The following CNTLN variants were observed in gnomAD, a reference collection of about 807,000 sequenced individuals.
CNTLN encodes the protein centlein.
A neutral mutation model predicts 180.0 loss-of-function variants in CNTLN; 212 were observed. The observed-to-expected ratio is 1.18, with a 90% CI of 1.05 to 1.32. The LOEUF (loss-of-function observed/expected upper bound fraction) is 1.32, where lower values mean the gene tolerates loss of function less well. Among genes scored for constraint, CNTLN ranks in the 40% most tolerant of loss-of-function variants. CNTLN has a pLI of 0.00. For missense variants in CNTLN, 2,095 were observed against 1,610.9 expected, an observed-to-expected ratio of 1.30 and a Z score of -5.14; for synonymous variants, 722 against 563.1, an observed-to-expected ratio of 1.28 and a Z score of -3.99.
chr9:17,244,514 G>C (rs1344872460), intron 5 of CNTLN, among the ~76,000 whole-genome samples: 2 of 152,068 alleles, frequency 1.3e-5, no homozygotes, highest in Admixed American at 6.6e-5. Flanking sequence ...CACCATGCCT[G>C]GTCCCCTGAA....
intron 2 of CNTLN, among the ~76,000 whole-genome samples, chr9:17,209,752 A>G (rs555495206): frequency 6.6e-6 from 1 of 152,320 alleles, no homozygotes; most frequent in East Asian, 1.9e-4. Context: ...GAGATTCTTG[A>G]GCCACAACTA....
rs188543153 is a variant in CNTLN, at chr9:17,371,063, A to G, written c.1987+4346A>G. Among the ~76,000 whole-genome samples the G allele has an allele frequency of 4.9e-3, 746 of 152,228 alleles. 16 individuals carry two copies. Among genetic ancestry groups the G allele is most frequent in the Non-Finnish European group, 3.6e-3 (244 of 67,988 alleles). On this transcript the variant is annotated intron_variant, in intron 13 of 25. Coordinates refer to ENST00000380647, the MANE Select transcript of CNTLN (RefSeq NM_017738.4). ...GAAAACAAGAAAGAATGAAGGAAGG[A>G]AAAGAAGACCACAAAATAACCAGGA...
chr9:17,319,933 C>G (rs1015491992), intron 8 of CNTLN, among the ~76,000 whole-genome samples: 12 of 152,184 alleles, frequency 7.9e-5, no homozygotes, highest in Non-Finnish European at 1.3e-4. Flanking sequence ...ACCTGTGACC[C>G]TTGATTTCTA....
intron 15 of CNTLN, among the ~76,000 whole-genome samples, chr9:17,395,793 A>G (rs1204804822): frequency 3.3e-5 from 5 of 152,096 alleles, no homozygotes; most frequent in South Asian, 4.1e-4. Flanking sequence ...TATGCACTTG[A>G]AACACATCAG....
At chr9:17,265,510 TG>T (rs1320504325) in intron 5 of CNTLN, among the ~76,000 whole-genome samples, 1 of 150,956 alleles carries the variant, frequency 6.6e-6, no homozygotes, top group Non-Finnish European at 1.5e-5. Flanking sequence ...CTCTTTTTTT[TG>T]TTGTGTCTCT....
At chr9:17,174,605 A>T (rs1016569705) in intron 2 of CNTLN, among the ~76,000 whole-genome samples, 1 of 151,786 alleles carries the variant, frequency 6.6e-6, no homozygotes, top group Non-Finnish European at 1.5e-5. Context: ...CTGAGACAGG[A>T]GAATTGCTTC....
rs549795995 is a variant in CNTLN at position 17,463,711 on chromosome 9, A to G, written c.3404+698A>G. Reference sequence around the variant, plus strand: ...TTTAACTGATAATATTTTGAAGTTTATTTATCAATTAAGAGTAAGTCTTGC... The same window carrying G: ...TTTAACTGATAATATTTTGAAGTTTGTTTATCAATTAAGAGTAAGTCTTGC... On this transcript the variant is annotated intron_variant, in intron 20 of 25. Coordinates refer to ENST00000380647, the MANE Select transcript of CNTLN (RefSeq NM_017738.4). Among the ~76,000 whole-genome samples the G allele has an allele frequency of 3.4e-4, 52 of 151,764 alleles. No individual in the cohort carries two copies. In the South Asian group the frequency reaches 0.011, roughly 31 times the overall value.
Position 17,145,129 on chromosome 9 carries a change from C to G in CNTLN, c.449+1753C>G, listed in dbSNP as rs770746534. Among the ~76,000 whole-genome samples the G allele has an allele frequency of 2.5e-4, 38 of 150,172 alleles. 1 individual carries two copies. The highest frequency in any genetic ancestry group is 9.0e-4 in the African/African-American group (37 of 40,896). ...GTGCTGGGATTACAGGCGTGAGCCA[C>G]CGCACCCGGCCTGGAGAATTTATTA... On this transcript the variant is annotated intron_variant, in intron 2 of 25. Transcript: ENST00000380647.
At chr9:17,149,666 C>T (rs572448974) in intron 2 of CNTLN, among the ~76,000 whole-genome samples, 3 of 151,842 alleles carry the variant, frequency 2.0e-5, no homozygotes, top group Non-Finnish European at 2.9e-5. Context: ...TATAGGCGCC[C>T]GCCACCATGC....
chr9:17,381,719 C>T (rs1034702653), intron 13 of CNTLN, among the ~76,000 whole-genome samples: 4 of 152,178 alleles, frequency 2.6e-5, no homozygotes, highest in Admixed American at 6.6e-5. Flanking sequence ...ATTTCTTGCT[C>T]ATGAGTCTAT....
At chr9:17,444,270 T>C (rs150128671) in intron 18 of CNTLN, 16 of 152,328 alleles carry the variant, frequency 1.1e-4, no homozygotes, top group African/African-American at 2.9e-4. Context: ...CTTATAGCTC[T>C]ACCTCAGAGA....
chr9:17,173,900 A>G (rs976247838), intron 2 of CNTLN, among the ~76,000 whole-genome samples: 6 of 151,958 alleles, frequency 3.9e-5, no homozygotes, highest in African/African-American at 1.5e-4. Context: ...TACAGTATGA[A>G]GACAGGATAT....
At chr9:17,374,796 G>T (rs899322287) in intron 13 of CNTLN, among the ~76,000 whole-genome samples, 9 of 151,706 alleles carry the variant, frequency 5.9e-5, no homozygotes, top group Non-Finnish European at 8.8e-5. Flanking sequence ...GGAGTTGGAG[G>T]TTTCAGTGAG....
At chr9:17,187,276 C>T (rs1055638885) in intron 2 of CNTLN, among the ~76,000 whole-genome samples, 1 of 152,026 alleles carries the variant, frequency 6.6e-6, no homozygotes, top group African/African-American at 2.4e-5. Context: ...TTGAAAATGT[C>T]AAACTCTTTT....
At chr9:17,341,666 T>C (rs1296359450) in intron 11 of CNTLN, among the ~76,000 whole-genome samples, 1 of 152,196 alleles carries the variant, frequency 6.6e-6, no homozygotes, top group Non-Finnish European at 1.5e-5. Context: ...TGTTTCTAAA[T>C]TGGCCAGTAC....
chr9:17,200,951 A>G (rs1822480732), intron 2 of CNTLN, among the ~76,000 whole-genome samples: 1 of 152,136 alleles, frequency 6.6e-6, no homozygotes, highest in Non-Finnish European at 1.5e-5. Context: ...TCATTCAGTA[A>G]GATATTGGCT....
chr9:17,305,179 C>T (rs1818623940), intron 7 of CNTLN, among the ~76,000 whole-genome samples: 1 of 152,046 alleles, frequency 6.6e-6, no homozygotes, highest in Non-Finnish European at 1.5e-5. Flanking sequence ...TGCTTTCTGT[C>T]CCCTGGAGAT....
chr9:17,477,974 T>A (rs1832442546), intron 23 of CNTLN, among the ~76,000 whole-genome samples: 1 of 152,212 alleles, frequency 6.6e-6, no homozygotes, highest in Non-Finnish European at 1.5e-5. Flanking sequence ...GTTTCACTGT[T>A]GTCTTAAAGA....
In CNTLN at chr9:17,152,154, A is replaced by G. The variant is rs145860544; in HGVS notation, c.449+8778A>G. 2.5e-4 allele frequency among the ~76,000 whole-genome samples: 38 copies of G among 151,918 alleles called. 1 individual carries two copies. The East Asian group carries it at 2.9e-3, about 12-fold the overall frequency. Reference sequence around the variant, plus strand: ...TTTTTGAAGGGTTTTTTGTGTCTCTATTTCCTTCAGTTTTGCTCTGATCTT... The same window carrying G: ...TTTTTGAAGGGTTTTTTGTGTCTCTGTTTCCTTCAGTTTTGCTCTGATCTT... On this transcript the variant is annotated intron_variant, in intron 2 of 25. Transcript: ENST00000380647.
Sources: allele counts gnomAD v4.1 joint callset (sites outside exome capture counted in the v4.1 genomes callset), GRCh38; gene constraint gnomAD v4.1.1; transcripts MANE v1.5; gene names NCBI Gene and HGNC (gene_info 2026-07-23, HGNC 2026-07-21).